The following SLCO4A1 variants were observed in gnomAD, a reference collection of about 807,000 sequenced individuals.
SLCO4A1 encodes solute carrier organic anion transporter family member 4A1.
Under a neutral mutation model 64.6 loss-of-function variants are expected in SLCO4A1, and 51 were observed. The observed-to-expected ratio is 0.79, with a 90% CI of 0.63 to 1.00. SLCO4A1 has a LOEUF of 1.00. Ranked by LOEUF, SLCO4A1 falls within the 50% of genes least tolerant of loss-of-function variation. The pLI, the probability that SLCO4A1 is intolerant of heterozygous loss-of-function variation, is 0.00. For synonymous variants in SLCO4A1, 471 were observed against 444.9 expected, an observed-to-expected ratio of 1.06 and a Z score of -0.74; for missense variants, 919 against 980.5, an observed-to-expected ratio of 0.94 and a Z score of 0.84.
chr20:62,648,163 C>T (rs574688353), intron 1 of SLCO4A1, among the ~76,000 whole-genome samples: 2 of 152,278 alleles, frequency 1.3e-5, no homozygotes, highest in Admixed American at 6.5e-5. Context: ...CAACATCCCC[C>T]CTTCCTCCCC....
At position 62,656,722 on chromosome 20, in the gene SLCO4A1, G is replaced by A. The variant is rs1313945197; in HGVS notation, c.268G>A (p.Ala90Thr). ...GCAGAGCGTGGCGTGCGGCTGGTGG[G>A]CCTTCGCACCGCCGTGCCTGCAGGT... ...AGQSVACGWW[A>T]FAPPCLQVLN... Residue 90 changes from alanine (A) to threonine (T), a missense_variant, in exon 2 of 12, where the codon GCC (alanine) becomes ACC (threonine). Ala to Thr is a moderately conservative substitution (Grantham distance 58). Transcript: ENST00000217159. 2 of 1,611,038 alleles carry A rather than the reference G, an allele frequency of 1.2e-6. No individual in the cohort carries two copies. Among genetic ancestry groups the A allele is most frequent in the Non-Finnish European group, 1.7e-6 (2 of 1,179,140 alleles).
chr20:62,642,688 G>C (rs1445874185), intron 1 of SLCO4A1, 135 bp downstream of exon 1: 2 of 173,658 alleles, frequency 1.2e-5, no homozygotes, highest in East Asian at 1.9e-4. Context: ...GGAGGCCTGG[G>C]CACCGGCCGA....
chr20:62,652,058 A>AT (rs974187905), intron 1 of SLCO4A1: 1 of 19,766 alleles, frequency 5.1e-5, no homozygotes, highest in Non-Finnish European at 1.1e-4. Context: ...CACACCCCCC[A>AT]CCCCCGCTCG....
chr20:62,656,554 TC>T lies in SLCO4A1; in HGVS notation c.104del (p.Pro35ArgfsTer5). 6.3e-7 allele frequency: 1 copy of T among 1,582,516 alleles called. No individual in the cohort carries two copies. On this transcript the variant is annotated frameshift_variant, in exon 2 of 12. Coordinates refer to ENST00000217159, the MANE Select transcript of SLCO4A1 (RefSeq NM_016354.4). LOFTEE classifies it high-confidence loss of function. ...LDHTPPSRRA[S>X]PGTPLSPGSL... ...CCACACCCCACCCAGCAGGAGGGCA[TC>T]CCCGGGCACACCCCTGAGCCCCGGC...
rs1208883076 is a variant in SLCO4A1 at position 62,657,373 on chromosome 20, C to T, written c.796+123C>T. ...TCGTGTACCCCTTGTCTGCATGGCC[C>T]TGGGGCTGCTGCAAGAGTTGGCAGG... On this transcript the variant is annotated intron_variant, in intron 2 of 11. Transcript: ENST00000217159. 1.5e-5 allele frequency: 14 copies of T among 934,794 alleles called. No individual in the cohort carries two copies. In the Admixed American group the frequency reaches 3.7e-4, roughly 25 times the overall value. 57.9% of individuals were successfully genotyped at this position (934,794 alleles called of 1,614,324 possible). A position where few individuals can be genotyped will look rare whatever the true frequency, so the allele number is the denominator to read the frequency against.
chr20:62,645,568 A>G lies in SLCO4A1; in HGVS notation c.-97+3015A>G, dbSNP rs998763817. 2.0e-5 allele frequency among the ~76,000 whole-genome samples: 3 copies of G among 150,908 alleles called. No individual in the cohort carries two copies. The highest frequency in any genetic ancestry group is 7.3e-5 in the African/African-American group (3 of 41,070). On this transcript the variant is annotated intron_variant, in intron 1 of 11. Transcript: ENST00000217159. This position sits in a 1 kb window ranked among gnomAD's most constrained non-coding sequence, Gnocchi z 4.2. ...ACACTGGGGTCTCCGGCTGTCTCCAACCCTTCAGTTCTTTTCAGTAGCCTC... is the reference window on the plus strand; with the variant it reads ...ACACTGGGGTCTCCGGCTGTCTCCAGCCCTTCAGTTCTTTTCAGTAGCCTC...
chr20:62,676,532 C>T (rs1394936354), downstream of SLCO4A1, among the ~76,000 whole-genome samples: 2 of 152,150 alleles, frequency 1.3e-5, no homozygotes, highest in Non-Finnish European at 2.9e-5. Flanking sequence ...AAAAGGCCAA[C>T]GAGCCCAGGA....
At chr20:62,670,407 T>TA (rs1331947981) in intron 11 of SLCO4A1, among the ~76,000 whole-genome samples, 6 of 152,166 alleles carry the variant, frequency 3.9e-5, no homozygotes, top group African/African-American at 1.2e-4. Flanking sequence ...CATCACCATA[T>TA]CACAGTGCCA....
downstream of SLCO4A1, among the ~76,000 whole-genome samples, chr20:62,674,492 TGA>T (rs916062247): frequency 2.6e-5 from 4 of 152,088 alleles, no homozygotes; most frequent in African/African-American, 9.7e-5. Flanking sequence ...GGAGAAGGGA[TGA>T]GAGGGAGGCG....
In SLCO4A1 at chr20:62,672,211, C is replaced by T. The variant is rs926588686; in HGVS notation, c.*318C>T. The T allele has an allele frequency of 6.0e-5, 78 of 1,289,852 alleles. 1 individual carries two copies. The highest frequency in any genetic ancestry group is 2.8e-4 in the Middle Eastern group (1 of 3,520). 79.9% of individuals were successfully genotyped at this position (1,289,852 alleles called of 1,614,324 possible). A position where few individuals can be genotyped will look rare whatever the true frequency, so the allele number is the denominator to read the frequency against. Reference sequence around the variant, plus strand: ...GGGGCTGTGAATCCCACTGGGAGGGCGGTGGGCCTGCAGCCTGAGGAAGGC... The same window carrying T: ...GGGGCTGTGAATCCCACTGGGAGGGTGGTGGGCCTGCAGCCTGAGGAAGGC... On this transcript the variant is annotated 3_prime_UTR_variant, in exon 12 of 12. Transcript: ENST00000217159.
At chr20:62,674,346 C>T (rs949832099), downstream of SLCO4A1, among the ~76,000 whole-genome samples, 1 of 152,120 alleles carries the variant, frequency 6.6e-6, no homozygotes, top group African/African-American at 2.4e-5. Context: ...GCGGGCTGAG[C>T]TGAGATTGGT....
chr20:62,664,720 G>A (rs1001703752), intron 5 of SLCO4A1, among the ~76,000 whole-genome samples: 1 of 152,170 alleles, frequency 6.6e-6, no homozygotes, highest in African/African-American at 2.4e-5. Context: ...ACTCCCTGTC[G>A]GAACAGGGGC....
At chr20:62,660,666 T>A (rs1984613687) in intron 4 of SLCO4A1, 133 bp downstream of exon 4, 2 of 1,140,062 alleles carry the variant, frequency 1.8e-6, no homozygotes. Flanking sequence ...TCATTCTCAG[T>A]GTTCTTCCCA....
intron 2 of SLCO4A1, among the ~76,000 whole-genome samples, chr20:62,681,127 A>G (rs1987804433): frequency 6.6e-6 from 1 of 152,096 alleles, no homozygotes; most frequent in Non-Finnish European, 1.5e-5. Flanking sequence ...CCTGGGCTCA[A>G]CTGATCCCTT....
chr20:62,686,342 C>T (rs1228145549), downstream of SLCO4A1, among the ~76,000 whole-genome samples: 1 of 152,228 alleles, frequency 6.6e-6, no homozygotes, highest in Non-Finnish European at 1.5e-5. Flanking sequence ...GGACAACAGT[C>T]AACCGCAGAG....
At position 62,672,032 on chromosome 20, in the gene SLCO4A1, G is replaced by A. The variant is rs547196521; in HGVS notation, c.*139G>A. On this transcript the variant is annotated 3_prime_UTR_variant, in exon 12 of 12. Transcript: ENST00000217159. ...CTTAACCTGTGGTTTAAAGTCGGCT[G>A]TGACCTCCTGTCCCCAGAGCTGTAC... is the stretch of plus-strand genomic sequence containing the variant. The A allele has an allele frequency of 1.9e-6, 3 of 1,558,134 alleles. No homozygotes were observed. Among genetic ancestry groups the A allele is most frequent in the East Asian group, 2.3e-5 (1 of 42,602 alleles).
rs138833735 is a variant in SLCO4A1 at position 62,657,799 on chromosome 20, G to A, written c.796+549G>A. On this transcript the variant is annotated intron_variant, in intron 2 of 11. Coordinates refer to ENST00000217159, the MANE Select transcript of SLCO4A1 (RefSeq NM_016354.4). ...CCGTGTCTGCTCCGGCAGCCACATA[G>A]GGGTGTGGAAAAGACCGAGCAAATC... Among the ~76,000 whole-genome samples the A allele has an allele frequency of 4.5e-3, 691 of 152,372 alleles. 3 individuals carry two copies. Among genetic ancestry groups the A allele is most frequent in the Middle Eastern group, 6.8e-3 (2 of 294 alleles).
At chr20:62,689,497 C>T (rs1022652715), downstream of SLCO4A1, among the ~76,000 whole-genome samples, 2 of 152,236 alleles carry the variant, frequency 1.3e-5, no homozygotes, top group Admixed American at 6.5e-5. Context: ...CAGGTGCTGG[C>T]CCATGGCCTC....
intron 1 of SLCO4A1, chr20:62,643,205 G>T: frequency 2.9e-6 from 1 of 347,752 alleles, no homozygotes. Context: ...CGTCCTGGCC[G>T]TGGCTTGGGG....
Sources: allele counts gnomAD v4.1 joint callset (sites outside exome capture counted in the v4.1 genomes callset), GRCh38; gene constraint gnomAD v4.1.1; non-coding constraint Gnocchi (gnomAD v3.1); transcripts MANE v1.5; gene names NCBI Gene and HGNC (gene_info 2026-07-23, HGNC 2026-07-21).